Variants in CAMK1D observed in about 807,000 individuals in gnomAD.
The protein encoded by CAMK1D is calcium/calmodulin dependent protein kinase ID.
A neutral mutation model predicts 47.7 loss-of-function variants in CAMK1D; 9 were observed. The ratio of observed to expected loss-of-function variants is 0.19; its 90% CI spans 0.11 to 0.33. CAMK1D has a LOEUF of 0.33. Among genes scored for constraint, CAMK1D ranks in the 10% least tolerant of loss-of-function variants. The pLI, the probability that CAMK1D is intolerant of heterozygous loss-of-function variation, is 1.00. For synonymous variants in CAMK1D, 184 were observed against 184.9 expected, an observed-to-expected ratio of 0.99 and a Z score of 0.04; for missense variants, 291 against 488.7, an observed-to-expected ratio of 0.60 and a Z score of 3.81.
chr10:12,735,710 T>C (rs6602614), intron 3 of CAMK1D, among the ~76,000 whole-genome samples: 147,782 of 152,088 alleles, frequency 0.97, 71,898 homozygotes, highest in Non-Finnish European at 1. Flanking sequence ...CAAGGAACAG[T>C]AGGCCGAGAT....
chr10:12,350,088 C>T (rs1837305093), intron 1 of CAMK1D, among the ~76,000 whole-genome samples, 178 bp downstream of exon 1: 1 of 151,982 alleles, frequency 6.6e-6, no homozygotes, highest in African/African-American at 2.4e-5. Context: ...GGGCCTGCGA[C>T]CCCCGGGTGG....
At chr10:12,744,466 C>G (rs752730658) in intron 3 of CAMK1D, among the ~76,000 whole-genome samples, 44 of 151,648 alleles carry the variant, frequency 2.9e-4, no homozygotes, top group Non-Finnish European at 5.6e-4. Context: ...GTTCCACTTT[C>G]TCTACATTCT....
intron 1 of CAMK1D, among the ~76,000 whole-genome samples, chr10:12,525,818 C>T (rs572453994): frequency 3.3e-5 from 5 of 152,194 alleles, no homozygotes; most frequent in Non-Finnish European, 5.9e-5. Context: ...AATGTAGTGG[C>T]GTGATCTCCG....
intron 2 of CAMK1D, among the ~76,000 whole-genome samples, chr10:12,643,606 A>G (rs1417802977): frequency 6.6e-6 from 1 of 152,116 alleles, no homozygotes; most frequent in African/African-American, 2.4e-5. Flanking sequence ...GTGTGGGGCT[A>G]GGTGCGGTGG....
At chr10:12,447,656 T>A (rs1435784251) in intron 1 of CAMK1D, among the ~76,000 whole-genome samples, 1 of 152,166 alleles carries the variant, frequency 6.6e-6, no homozygotes, top group Non-Finnish European at 1.5e-5. Flanking sequence ...AAGCCAAGAT[T>A]GTGCCACAGC....
intron 1 of CAMK1D, among the ~76,000 whole-genome samples, chr10:12,376,961 A>G (rs1389293442): frequency 6.6e-6 from 1 of 151,878 alleles, no homozygotes; most frequent in Non-Finnish European, 1.5e-5. Flanking sequence ...GGGTTTCACC[A>G]TGTTGACCAG....
rs1331939152 is a variant in CAMK1D at position 12,734,476 on chromosome 10, A to G, written c.300-26472A>G. 4.4e-5 allele frequency among the ~76,000 whole-genome samples: 6 copies of G among 136,572 alleles called. 1 individual carries two copies. Among genetic ancestry groups the G allele is most frequent in the African/African-American group, 1.1e-4 (4 of 35,328 alleles). 89.6% of individuals were successfully genotyped at this position (136,572 alleles called of 152,430 possible). On this transcript the variant is annotated intron_variant, in intron 3 of 10. Transcript: ENST00000619168. Reference sequence around the variant, plus strand: ...TATATATACACATACACATATGTGTATATATACACATATGTATATATATAC... The same window carrying G: ...TATATATACACATACACATATGTGTGTATATACACATATGTATATATATAC...
chr10:12,563,661 G>A (rs1166990679), intron 2 of CAMK1D, among the ~76,000 whole-genome samples: 1 of 147,704 alleles, frequency 6.8e-6, no homozygotes, highest in Non-Finnish European at 1.5e-5. Context: ...GAGGCGGAAG[G>A]TTTGAGAGAG....
intron 5 of CAMK1D, among the ~76,000 whole-genome samples, chr10:12,777,658 G>A (rs763791927): frequency 6.6e-6 from 1 of 152,198 alleles, no homozygotes; most frequent in Non-Finnish European, 1.5e-5. Context: ...ACAGGCGTGA[G>A]CCACCATTCC....
intron 2 of CAMK1D, among the ~76,000 whole-genome samples, chr10:12,619,639 C>T (rs961761362): frequency 1.3e-5 from 2 of 152,002 alleles, no homozygotes; most frequent in Non-Finnish European, 2.9e-5. Flanking sequence ...ATTTTAATTT[C>T]AAGATAGTTG....
At chr10:12,663,882 G>A (rs1221469179) in intron 2 of CAMK1D, among the ~76,000 whole-genome samples, 2 of 152,052 alleles carry the variant, frequency 1.3e-5, no homozygotes, top group Non-Finnish European at 2.9e-5. Context: ...GCAATGTGAG[G>A]GTGGAATAAA....
chr10:12,659,451 C>G (rs766297306), intron 2 of CAMK1D, among the ~76,000 whole-genome samples: 21 of 152,110 alleles, frequency 1.4e-4, no homozygotes, highest in Non-Finnish European at 3.1e-4. Flanking sequence ...AAGGCTGTTG[C>G]AGAATGAAAT....
chr10:12,535,888 T>A (rs148760000), intron 1 of CAMK1D, among the ~76,000 whole-genome samples: 147 of 152,328 alleles, frequency 9.7e-4, no homozygotes, highest in African/African-American at 3.5e-3. Flanking sequence ...TGTGGTGTGT[T>A]ATCTGTGGTA....
At chr10:12,462,676 T>C (rs1434717373) in intron 1 of CAMK1D, among the ~76,000 whole-genome samples, 2 of 152,128 alleles carry the variant, frequency 1.3e-5, no homozygotes, top group Non-Finnish European at 2.9e-5. Flanking sequence ...TGGGCTGATA[T>C]GAGTTGTGGA....
chr10:12,367,782 T>C (rs1302125240), intron 1 of CAMK1D, among the ~76,000 whole-genome samples: 2 of 152,100 alleles, frequency 1.3e-5, no homozygotes, highest in Non-Finnish European at 2.9e-5. Flanking sequence ...CTGTAAATAC[T>C]GATGAAGCTT....
At chr10:12,828,645 A>AC (rs1833344507) in intron 10 of CAMK1D, 124 bp from the exon 11 acceptor site, 1 of 570,886 alleles carries the variant, frequency 1.8e-6, no homozygotes, top group Non-Finnish European at 3.0e-6. Context: ...CATCTCAAGA[A>AC]AAAAAAAAAA....
intron 1 of CAMK1D, among the ~76,000 whole-genome samples, chr10:12,458,503 A>T (rs142968534): frequency 1.3e-5 from 2 of 151,670 alleles, no homozygotes; most frequent in Non-Finnish European, 2.9e-5. Context: ...CACAGCCTCT[A>T]CCTCCTGGCC....
chr10:12,561,721 T>C (rs961007989), intron 2 of CAMK1D, among the ~76,000 whole-genome samples: 2 of 152,198 alleles, frequency 1.3e-5, no homozygotes, highest in African/African-American at 4.8e-5. Context: ...CAAGAGAGAA[T>C]ATATTTGGTG....
rs564336273 is a variant in CAMK1D at position 12,497,110 on chromosome 10, G to T, written c.93-56115G>T. Among the ~76,000 whole-genome samples the T allele has an allele frequency of 3.0e-4, 45 of 152,228 alleles. 1 individual carries two copies. In the South Asian group the frequency reaches 4.4e-3, roughly 15 times the overall value. ...CTTCATCGTATTCCATGGTGTATAT[G>T]TACCACATTTTCTTTATCCAGTCTA... On this transcript the variant is annotated intron_variant, in intron 1 of 10. Transcript: ENST00000619168.
Sources: allele counts gnomAD v4.1 joint callset (sites outside exome capture counted in the v4.1 genomes callset), GRCh38; gene constraint gnomAD v4.1.1; transcripts MANE v1.5; gene names NCBI Gene and HGNC (gene_info 2026-07-23, HGNC 2026-07-21).